Variants in SHISA9 observed in about 807,000 individuals in gnomAD.
SHISA9 encodes protein shisa-9.
SHISA9 carries 13 observed loss-of-function variants against 38.0 expected under a neutral mutation model. The ratio of observed to expected loss-of-function variants is 0.34; its 90% confidence interval spans 0.22 to 0.54. The LOEUF is 0.54. Ranked by LOEUF, SHISA9 falls within the 20% of genes least tolerant of loss-of-function variation. The probability of loss-of-function intolerance (pLI) is 0.91; values close to 1 mark genes in which losing one functional copy is unlikely to be tolerated. For missense variants in SHISA9, 538 were observed against 575.8 expected (o/e 0.93, Z 0.67); for synonymous variants, 275 against 242.0 (o/e 1.14, Z -1.27).
the SHISA9 span, among the ~76,000 whole-genome samples, chr16:13,533,976 G>C: frequency 1.3e-5 from 2 of 151,896 alleles, no homozygotes; most frequent in Non-Finnish European, 2.9e-5. Context: ...GTAGAGACAG[G>C]GTTTCACCGT....
chr16:13,317,984 C>T, the SHISA9 span, among the ~76,000 whole-genome samples: 8 of 127,926 alleles, frequency 6.3e-5, no homozygotes, highest in Admixed American at 2.4e-4. Context: ...CCATAGTCAT[C>T]CTTCAAATGC....
chr16:13,508,212 T>C, the SHISA9 span, among the ~76,000 whole-genome samples: 1 of 152,252 alleles, frequency 6.6e-6, no homozygotes, highest in East Asian at 1.9e-4. Flanking sequence ...TCAACTATGA[T>C]TGTGTTTATT....
At chr16:13,449,064 C>G in the SHISA9 span, among the ~76,000 whole-genome samples, 1 of 152,158 alleles carries the variant, frequency 6.6e-6, no homozygotes. Flanking sequence ...TTTAGGGAAC[C>G]AGTAAGTCCT....
the SHISA9 span, among the ~76,000 whole-genome samples, chr16:13,257,850 C>A: frequency 6.7e-6 from 1 of 148,664 alleles, no homozygotes; most frequent in African/African-American, 2.5e-5. Flanking sequence ...TGGAGGAAAA[C>A]CCAATTTAAA....
In SHISA9 at chr16:13,235,402, C is replaced by T; in HGVS notation, c.1268C>T (p.Thr423Ile). 6.5e-7 allele frequency: 1 copy of T among 1,535,816 alleles called. No individual in the cohort carries two copies. The highest frequency in any genetic ancestry group is 8.7e-7 in the Non-Finnish European group (1 of 1,145,578). ...ATCACCAACAGCAAAACAGAAGTGA[C>T]TGTCTGAGCTTTCACCACAGGGAGC... ...YFITNSKTEV[T>I]V Residue 423 changes from threonine to isoleucine, a missense_variant, in exon 5 of 5, where the codon ACT (threonine) becomes ATT (isoleucine). Transcript: ENST00000558583.
At chr16:13,258,749 G>T in the SHISA9 span, among the ~76,000 whole-genome samples, 1 of 152,182 alleles carries the variant, frequency 6.6e-6, no homozygotes. Flanking sequence ...AAACCCATCA[G>T]ATTTCATGAG....
chr16:13,112,940 T>C (rs1339998657), intron 2 of SHISA9, among the ~76,000 whole-genome samples: 1 of 152,034 alleles, frequency 6.6e-6, no homozygotes, highest in African/African-American at 2.4e-5. Context: ...CCAGGCGCAG[T>C]GACTCACGCC....
At chr16:12,968,961 C>T (rs928478044) in intron 2 of SHISA9, among the ~76,000 whole-genome samples, 1 of 151,912 alleles carries the variant, frequency 6.6e-6, no homozygotes, top group South Asian at 2.1e-4. Context: ...TCGAGACCAG[C>T]CTGGCCAACA....
intron 2 of SHISA9, among the ~76,000 whole-genome samples, chr16:13,068,022 G>A (rs2073454814): frequency 6.6e-6 from 1 of 152,218 alleles, no homozygotes; most frequent in Admixed American, 6.5e-5. Flanking sequence ...GGCTGGCTGG[G>A]ATGGGGCCAT....
chr16:12,913,197 T>C (rs2071209221), intron 1 of SHISA9, among the ~76,000 whole-genome samples: 1 of 152,208 alleles, frequency 6.6e-6, no homozygotes, highest in African/African-American at 2.4e-5. Context: ...TACTTCTTTT[T>C]TTTGGCGGGG....
At chr16:13,542,465 GGTAA>G in the SHISA9 span, among the ~76,000 whole-genome samples, 1 of 152,256 alleles carries the variant, frequency 6.6e-6, no homozygotes, top group South Asian at 2.1e-4. Flanking sequence ...GTTCAGAGAG[GGTAA>G]GTGAGTCACT....
chr16:13,196,914 C>A (rs570931251), intron 2 of SHISA9, among the ~76,000 whole-genome samples: 1 of 152,044 alleles, frequency 6.6e-6, no homozygotes, highest in Admixed American at 6.6e-5. Context: ...GCCAACATGG[C>A]GAAACCATAT....
At chr16:13,140,252 C>A (rs2050390554) in intron 2 of SHISA9, among the ~76,000 whole-genome samples, 1 of 150,570 alleles carries the variant, frequency 6.6e-6, no homozygotes, top group African/African-American at 2.4e-5. Flanking sequence ...TCTCTGTTCA[C>A]TGTAACCTCC....
intron 2 of SHISA9, among the ~76,000 whole-genome samples, chr16:12,965,487 A>T (rs764117828): frequency 1.3e-5 from 2 of 152,174 alleles, no homozygotes; most frequent in African/African-American, 2.4e-5. Context: ...GAGGCACTCT[A>T]CCAGTTCTGG....
At chr16:13,015,890 C>CTTTCTTTCTTTCTTTCTT (rs1555454829) in intron 2 of SHISA9, among the ~76,000 whole-genome samples, 2,783 of 117,022 alleles carry the variant, frequency 0.024, 80 homozygotes, top group Middle Eastern at 0.078. Flanking sequence ...TTCTTTCTTT[C>CTTTCTTTCTTTCTTTCTT]TTTCTTTCTT....
chr16:12,990,161 T>C (rs2072366234), intron 2 of SHISA9, among the ~76,000 whole-genome samples: 1 of 152,234 alleles, frequency 6.6e-6, no homozygotes, highest in Non-Finnish European at 1.5e-5. Flanking sequence ...CATACCGCCT[T>C]TTCTTTATCC....
At chr16:13,353,864 G>A in the SHISA9 span, among the ~76,000 whole-genome samples, 1 of 152,138 alleles carries the variant, frequency 6.6e-6, no homozygotes, top group Non-Finnish European at 1.5e-5. Context: ...CTAAGAGCCT[G>A]AAAAACTGCT....
intron 2 of SHISA9, among the ~76,000 whole-genome samples, chr16:13,162,590 G>A (rs1191348947): frequency 6.6e-6 from 1 of 152,144 alleles, no homozygotes; most frequent in Non-Finnish European, 1.5e-5. Flanking sequence ...GTAGAACTGG[G>A]CTATGGCAAA....
At chr16:13,349,090 A>G in the SHISA9 span, among the ~76,000 whole-genome samples, 1 of 152,222 alleles carries the variant, frequency 6.6e-6, no homozygotes, top group Non-Finnish European at 1.5e-5. Flanking sequence ...CCAAGGAAAT[A>G]GATCTGCTTT....
Sources: gnomAD v4.1 joint callset for allele counts (sites outside exome capture counted in the v4.1 genomes callset) on GRCh38, gnomAD v4.1.1 for gene constraint, MANE v1.5 for transcripts, NCBI Gene and HGNC (gene_info 2026-07-23, HGNC 2026-07-21) for gene names.